MEIS1: variants seen among roughly 807,000 people sequenced by gnomAD.
The protein encoded by MEIS1 is Meis homeobox 1, also known as homeobox protein Meis1.
MEIS1 carries 5 observed loss-of-function variants against 50.8 expected under a neutral mutation model. The ratio of observed to expected loss-of-function variants is 0.10; its 90% CI spans 0.05 to 0.21. The LOEUF (loss-of-function observed/expected upper bound fraction) is 0.21, where lower values mean the gene tolerates loss of function less well. MEIS1 is among the 10% of genes least tolerant of loss of function. MEIS1 has a pLI of 1.00. For missense variants in MEIS1, 318 were observed against 517.3 expected, an observed-to-expected ratio of 0.61 and a Z score of 3.74; for synonymous variants, 176 against 179.3, an observed-to-expected ratio of 0.98 and a Z score of 0.15.
At chr2:66,450,168 G>A (rs1261455031) in intron 6 of MEIS1, among the ~76,000 whole-genome samples, 5 of 152,184 alleles carry the variant, frequency 3.3e-5, no homozygotes, top group Non-Finnish European at 7.4e-5. Context: ...GGACAAATAA[G>A]TTGAGCAAAG....
At chr2:66,478,976 T>C (rs868730116) in intron 7 of MEIS1, among the ~76,000 whole-genome samples, 1 of 152,242 alleles carries the variant, frequency 6.6e-6, no homozygotes, top group Non-Finnish European at 1.5e-5. Flanking sequence ...GGGAATTGTC[T>C]GGCAATATTC....
At chr2:66,561,578 C>A (rs1033161313) in intron 9 of MEIS1, among the ~76,000 whole-genome samples, 1 of 152,072 alleles carries the variant, frequency 6.6e-6, no homozygotes, top group Non-Finnish European at 1.5e-5. Context: ...TAGAGATATT[C>A]CTAACGCTAG....
chr2:66,540,715 G>A (rs376493619), intron 8 of MEIS1, among the ~76,000 whole-genome samples: 7 of 152,106 alleles, frequency 4.6e-5, no homozygotes, highest in Admixed American at 3.3e-4. Flanking sequence ...CATCCTTCAC[G>A]AATGTTAATC....
intron 8 of MEIS1, among the ~76,000 whole-genome samples, chr2:66,533,994 C>A (rs964953857): frequency 9.9e-5 from 15 of 152,014 alleles, no homozygotes; most frequent in African/African-American, 3.4e-4. Context: ...ATAGATTAGC[C>A]CAATCTTAAG....
At chr2:66,557,607 T>C (rs944605827) in intron 9 of MEIS1, among the ~76,000 whole-genome samples, 13 of 152,228 alleles carry the variant, frequency 8.5e-5, no homozygotes, top group African/African-American at 3.1e-4. Flanking sequence ...GCATGTATTA[T>C]CAGCACTTCA....
Position 66,464,210 on chromosome 2 carries a change from C to T in MEIS1, c.732C>T (p.Ser244=). 6.3e-7 allele frequency: 1 copy of T among 1,596,002 alleles called. No homozygotes were observed. The highest frequency in any genetic ancestry group is 8.5e-7 in the Non-Finnish European group (1 of 1,171,154). ...GGHTSHSGDN[S]SEQGDGLDNS... is the part of the protein sequence containing the mutation. ...ACACGTCACACAGTGGGGACAACAG[C>T]AGTGAGCAAGGTAGGAGAGATGTTA... Residue 244 remains serine, a synonymous_variant, in exon 7 of 13, where the codon AGC becomes AGT. Transcript: ENST00000272369.
chr2:66,513,427 C>T (rs957862469), intron 8 of MEIS1, among the ~76,000 whole-genome samples: 6 of 152,072 alleles, frequency 3.9e-5, no homozygotes, highest in Non-Finnish European at 8.8e-5. Flanking sequence ...CCATGTTCCT[C>T]AGTGAGTTTT....
At chr2:66,548,048 C>T in intron 9 of MEIS1, 29 bp downstream of exon 9, 1 of 1,605,720 alleles carries the variant, frequency 6.2e-7, no homozygotes, top group South Asian at 1.1e-5. Flanking sequence ...TGTTTACACA[C>T]AATCTGTTTC....
At chr2:66,540,255 C>T (rs1011251312) in intron 8 of MEIS1, among the ~76,000 whole-genome samples, 11 of 152,298 alleles carry the variant, frequency 7.2e-5, no homozygotes, top group Admixed American at 1.3e-4. Flanking sequence ...AAAAATGACA[C>T]TTCAAAGTAA....
intron 8 of MEIS1, among the ~76,000 whole-genome samples, chr2:66,543,683 C>G (rs1346827663): frequency 6.6e-6 from 1 of 152,216 alleles, no homozygotes; most frequent in Non-Finnish European, 1.5e-5. Context: ...TGGCTCTCCC[C>G]TCTCAATCGT....
chr2:66,494,787 T>G (rs1264456893), intron 7 of MEIS1, among the ~76,000 whole-genome samples: 1 of 152,128 alleles, frequency 6.6e-6, no homozygotes, highest in African/African-American at 2.4e-5. Flanking sequence ...CACGTCTTTG[T>G]GGGTAGAAGA....
intron 7 of MEIS1, among the ~76,000 whole-genome samples, chr2:66,496,608 T>C (rs1229123689): frequency 6.6e-6 from 1 of 152,210 alleles, no homozygotes; most frequent in African/African-American, 2.4e-5. Context: ...CTTTATGTCC[T>C]AGGCATGGGC....
At chr2:66,566,810 C>CAAAAA (rs5831821) in intron 9 of MEIS1, among the ~76,000 whole-genome samples, 3 of 138,662 alleles carry the variant, frequency 2.2e-5, no homozygotes, top group Admixed American at 7.1e-5. Context: ...ACATAAAGAG[C>CAAAAA]AAAAAAAAAA....
At chr2:66,472,326 A>G (rs1672780976) in intron 7 of MEIS1, among the ~76,000 whole-genome samples, 1 of 152,232 alleles carries the variant, frequency 6.6e-6, no homozygotes, top group Non-Finnish European at 1.5e-5. Context: ...AGATAAAAAG[A>G]GTTTAGAATT....
At chr2:66,506,531 A>G (rs1490275301) in intron 7 of MEIS1, among the ~76,000 whole-genome samples, 1 of 152,096 alleles carries the variant, frequency 6.6e-6, no homozygotes, top group Non-Finnish European at 1.5e-5. Context: ...CAGGAGAGAG[A>G]TCGTGAAAGG....
intron 9 of MEIS1, among the ~76,000 whole-genome samples, chr2:66,553,442 A>G (rs1056872258): frequency 1.3e-5 from 2 of 152,242 alleles, no homozygotes; most frequent in Non-Finnish European, 2.9e-5. Context: ...CTCTGGGCTT[A>G]GATTATAGCA....
intron 7 of MEIS1, among the ~76,000 whole-genome samples, chr2:66,476,014 G>T (rs1035748292): frequency 3.3e-5 from 5 of 152,122 alleles, no homozygotes; most frequent in African/African-American, 1.2e-4. Flanking sequence ...TCTCTGGTGG[G>T]TTCGCCTCAT....
At chr2:66,450,037 C>A (rs1672243286) in intron 6 of MEIS1, among the ~76,000 whole-genome samples, 1 of 152,010 alleles carries the variant, frequency 6.6e-6, no homozygotes, top group Non-Finnish European at 1.5e-5. Context: ...TATATCAATA[C>A]AATTGAAGTT....
intron 8 of MEIS1, among the ~76,000 whole-genome samples, chr2:66,520,201 G>A (rs1009884670): frequency 4.6e-5 from 7 of 151,898 alleles, no homozygotes; most frequent in South Asian, 2.1e-4. Context: ...TTGGCCGGGC[G>A]CGGTGGCTCA....
Sources: gnomAD v4.1 joint callset for allele counts (sites outside exome capture counted in the v4.1 genomes callset) on GRCh38, gnomAD v4.1.1 for gene constraint, MANE v1.5 for transcripts, NCBI Gene and HGNC (gene_info 2026-07-23, HGNC 2026-07-21) for gene names.